The following TRMT9B variants were observed in gnomAD, a reference collection of about 807,000 sequenced individuals.
TRMT9B encodes the protein probable tRNA methyltransferase 9B.
TRMT9B carries 16 observed loss-of-function variants against 11.5 expected under a neutral mutation model. The observed-to-expected ratio is 1.39, with a 90% CI of 0.94 to 2.11. TRMT9B has a LOEUF of 2.11. TRMT9B is among the 30% of genes most tolerant of loss of function. The pLI, the probability that TRMT9B is intolerant of heterozygous loss-of-function variation, is 0.00. For missense variants in TRMT9B, 941 were observed against 553.8 expected (o/e 1.70, Z -7.02); for synonymous variants, 274 against 192.4 (o/e 1.42, Z -3.51).
intron 1 of TRMT9B, among the ~76,000 whole-genome samples, chr8:12,987,256 T>A (rs1806476413): frequency 6.6e-6 from 1 of 152,218 alleles, no homozygotes; most frequent in Non-Finnish European, 1.5e-5. Flanking sequence ...TCCTATATTA[T>A]ATAGTTATTG....
At chr8:12,984,754 C>A (rs971065743) in intron 1 of TRMT9B, among the ~76,000 whole-genome samples, 1 of 152,094 alleles carries the variant, frequency 6.6e-6, no homozygotes, top group East Asian at 1.9e-4. Flanking sequence ...TCTTCACTCT[C>A]GTGTTTGATT....
At chr8:12,976,496 T>A (rs1804474717) in intron 1 of TRMT9B, among the ~76,000 whole-genome samples, 1 of 152,012 alleles carries the variant, frequency 6.6e-6, no homozygotes, top group South Asian at 2.1e-4. Context: ...TCTCAGCACT[T>A]TGGGAGGCAG....
Position 13,021,996 on chromosome 8 carries a change from T to C in TRMT9B, c.1317T>C (p.Asp439=), listed in dbSNP as rs202200800. 78 of 1,612,000 alleles carry C rather than the reference T, an allele frequency of 4.8e-5. No homozygotes were observed. The highest frequency in any genetic ancestry group is 6.4e-5 in the Non-Finnish European group (76 of 1,179,242). Residue 439 remains aspartate, a synonymous_variant, in exon 5 of 5, where the codon GAT becomes GAC. Coordinates refer to ENST00000524591, the MANE Select transcript of TRMT9B (RefSeq NM_020844.3). ...SELRILSSGN[D]HGNWCIIAEK... The stretch of plus-strand genomic sequence containing the variant: ...TCCGTATCCTGAGTTCTGGGAATGA[T>C]CATGGTAACTGGTGTATCATTGCAG...
rs551673727 is a variant in TRMT9B at position 12,958,070 on chromosome 8, T to C, written c.-200+12104T>C. Among the ~76,000 whole-genome samples the C allele has an allele frequency of 1.1e-4, 16 of 152,264 alleles. No homozygotes were observed. The South Asian group carries it at 3.3e-3, about 32-fold the overall frequency. On this transcript the variant is annotated intron_variant, in intron 1 of 4. Transcript: ENST00000524591. ...GACATACCCGAGACTGGGTGATTTATAAAGAAAAAGAGGTTTTTTGTCCTT... is the reference window on the plus strand; with the variant it reads ...GACATACCCGAGACTGGGTGATTTACAAAGAAAAAGAGGTTTTTTGTCCTT...
intron 1 of TRMT9B, among the ~76,000 whole-genome samples, chr8:12,990,426 G>A (rs1341586099): frequency 1.3e-5 from 2 of 152,118 alleles, no homozygotes; most frequent in Non-Finnish European, 2.9e-5. Flanking sequence ...ACTTATCAAA[G>A]TGACAAGAAA....
At chr8:13,010,404 C>A in intron 3 of TRMT9B, 9 of 983,364 alleles carry the variant, frequency 9.2e-6, no homozygotes, top group Non-Finnish European at 9.7e-6. Flanking sequence ...GGTAATATGA[C>A]TGTCCTCTAA....
chr8:12,979,804 G>A (rs1443620796), intron 1 of TRMT9B, among the ~76,000 whole-genome samples: 2 of 152,140 alleles, frequency 1.3e-5, no homozygotes, highest in African/African-American at 2.4e-5. Context: ...GTGAATTGCA[G>A]GCAACAGAAA....
intron 3 of TRMT9B, chr8:13,010,902 C>G (rs1234321102): frequency 4.2e-6 from 4 of 951,552 alleles, no homozygotes; most frequent in Non-Finnish European, 5.0e-6. Context: ...TTATTGGGAA[C>G]AGTGTGGCTA....
intron 2 of TRMT9B, among the ~76,000 whole-genome samples, chr8:13,001,260 G>T (rs1030111529): frequency 6.6e-6 from 1 of 152,112 alleles, no homozygotes; most frequent in South Asian, 2.1e-4. Context: ...TCAAGACTGG[G>T]TCAGTCTCAC....
chr8:13,019,137 G>T (rs1403077295), intron 4 of TRMT9B, among the ~76,000 whole-genome samples: 1 of 152,136 alleles, frequency 6.6e-6, no homozygotes, highest in Non-Finnish European at 1.5e-5. Context: ...GGGGCGATTT[G>T]TTATCAAGTG....
chr8:13,029,047 T>A lies in TRMT9B; in HGVS notation c.*7003T>A, dbSNP rs1418109871. 2 of 166,648 alleles carry A rather than the reference T, an allele frequency of 1.2e-5. No homozygotes were observed. Among genetic ancestry groups the A allele is most frequent in the East Asian group, 1.9e-4 (1 of 5,202 alleles). 10.3% of individuals were successfully genotyped at this position (166,648 alleles called of 1,614,324 possible). A position where few individuals can be genotyped will look rare whatever the true frequency, so the allele number is the denominator to read the frequency against. On this transcript the variant is annotated 3_prime_UTR_variant, in exon 5 of 5. Coordinates refer to ENST00000524591, the MANE Select transcript of TRMT9B (RefSeq NM_020844.3). ...ATATGTATGTCTGTAAATATATATA[T>A]AACACACATATATATATATTCCTAG...
At chr8:12,971,192 T>G (rs888017192) in intron 1 of TRMT9B, among the ~76,000 whole-genome samples, 1 of 152,236 alleles carries the variant, frequency 6.6e-6, no homozygotes, top group Non-Finnish European at 1.5e-5. Context: ...CCTGCTGTAT[T>G]ATCAAATACT....
At chr8:13,014,201 C>G (rs1427752094) in intron 4 of TRMT9B, among the ~76,000 whole-genome samples, 1 of 152,190 alleles carries the variant, frequency 6.6e-6, no homozygotes, top group Non-Finnish European at 1.5e-5. Context: ...TGGAAACTTG[C>G]TCTCTGATAG....
intron 1 of TRMT9B, chr8:12,962,149 G>C (rs980162411): frequency 6.6e-6 from 1 of 152,360 alleles, no homozygotes; most frequent in East Asian, 1.9e-4. Flanking sequence ...AAGCTCTTGG[G>C]GCTATGCATT....
chr8:12,991,143 A>T (rs1807261856), intron 2 of TRMT9B, 112 bp downstream of exon 2: 1 of 397,408 alleles, frequency 2.5e-6, no homozygotes, highest in African/African-American at 2.1e-5. Context: ...ATTTATGACA[A>T]TGTGATATAA....
At chr8:12,971,612 C>G (rs1301188006) in intron 1 of TRMT9B, among the ~76,000 whole-genome samples, 1 of 152,018 alleles carries the variant, frequency 6.6e-6, no homozygotes, top group Non-Finnish European at 1.5e-5. Flanking sequence ...ATAACTTGCC[C>G]TAATCTGCAA....
rs1052873932 is a variant in TRMT9B, at chr8:13,028,527, C to G, written c.*6483C>G. ...GAAGGTACAATTATATTTACATTCC[C>G]TTAGCAAGAATTTGGCTAAGTGATA... is the stretch of plus-strand genomic sequence containing the variant. On this transcript the variant is annotated 3_prime_UTR_variant, in exon 5 of 5. Transcript: ENST00000524591. The G allele has an allele frequency of 2.4e-5, 4 of 164,640 alleles. No homozygotes were observed. The highest frequency in any genetic ancestry group is 6.6e-5 in the Admixed American group (1 of 15,062). 10.2% of individuals were successfully genotyped at this position (164,640 alleles called of 1,614,324 possible). A position where few individuals can be genotyped will look rare whatever the true frequency, so the allele number is the denominator to read the frequency against.
Position 13,021,899 on chromosome 8 carries a change from C to A in TRMT9B, c.1220C>A (p.Ala407Asp), listed in dbSNP as rs779831498. 7 of 1,613,650 alleles carry A rather than the reference C, an allele frequency of 4.3e-6. No individual in the cohort carries two copies. In the East Asian group the frequency reaches 6.7e-5, roughly 15 times the overall value. Residue 407 changes from alanine to aspartate, a missense_variant, in exon 5 of 5, where the codon GCC (alanine) becomes GAC (aspartate). By Grantham distance (126) the Ala-to-Asp change is moderately radical (BLOSUM62 -2). Transcript: ENST00000524591. ...CAGACTGATGTTTTGGACTCCACAG[C>A]CTTTATGCGCTACTACCATGTGTTT... ...DPQTDVLDST[A>D]FMRYYHVFRE...
chr8:12,966,619 C>G (rs1263154177), intron 1 of TRMT9B, among the ~76,000 whole-genome samples: 1 of 152,136 alleles, frequency 6.6e-6, no homozygotes, highest in Non-Finnish European at 1.5e-5. Flanking sequence ...TTAAATTGGT[C>G]TAAATTTTTA....
Sources: allele counts gnomAD v4.1 joint callset (sites outside exome capture counted in the v4.1 genomes callset), GRCh38; gene constraint gnomAD v4.1.1; transcripts MANE v1.5; gene names NCBI Gene and HGNC (gene_info 2026-07-23, HGNC 2026-07-21).